The following MYORG variants were observed in gnomAD, a reference collection of about 807,000 sequenced individuals.
MYORG encodes the protein alpha-galactosidase MYORG.
Under a neutral mutation model 49.8 loss-of-function variants are expected in MYORG, and 45 were observed. The observed-to-expected ratio is 0.90, with a 90% confidence interval of 0.71 to 1.16. MYORG has a LOEUF of 1.16. Among genes scored for constraint, MYORG ranks in the 50% most tolerant of loss-of-function variants. The pLI is 0.00. For synonymous variants in MYORG, 552 were observed against 462.9 expected, an observed-to-expected ratio of 1.19 and a Z score of -2.47; for missense variants, 1,110 against 1,026.5, an observed-to-expected ratio of 1.08 and a Z score of -1.11.
In MYORG at chr9:34,369,184, G is replaced by A. The variant is rs1323313774; in HGVS notation, c.*1615C>T. 6.6e-6 allele frequency: 1 copy of A among 152,180 alleles called. No individual in the cohort carries two copies. The highest frequency in any genetic ancestry group is 1.5e-5 in the Non-Finnish European group (1 of 68,038). 9.4% of individuals were successfully genotyped at this position (152,180 alleles called of 1,614,324 possible). A position where few individuals can be genotyped will look rare whatever the true frequency, so the allele number is the denominator to read the frequency against. On this transcript the variant is annotated 3_prime_UTR_variant, in exon 2 of 2. Coordinates refer to ENST00000297625, the MANE Select transcript of MYORG (RefSeq NM_020702.5). ...TTATGGGAGCTACAATTCAAGATGA[G>A]TTTTAGGTGGGGACACAGCCAAACC...
chr9:34,376,003 C>T lies in MYORG; in HGVS notation c.-64+790G>A, dbSNP rs980323439. Among the ~76,000 whole-genome samples, 1 of 152,198 alleles carries T rather than the reference C, an allele frequency of 6.6e-6. No individual in the cohort carries two copies. Among genetic ancestry groups the T allele is most frequent in the Admixed American group, 6.5e-5 (1 of 15,280 alleles). On this transcript the variant is annotated intron_variant, in intron 1 of 1. Coordinates refer to ENST00000297625, the MANE Select transcript of MYORG (RefSeq NM_020702.5). The surrounding 1 kb of genome is among the most constrained non-coding windows in gnomAD (Gnocchi z 4.4). ...ATCAAGGCTGCCTGGATCTAAAATC[C>T]CAGCCCAGCTCTCCACAGTGTAAGT...
chr9:34,371,425 A>G lies in MYORG; in HGVS notation c.1519T>C (p.Tyr507His), dbSNP rs1163647884. 6.2e-7 allele frequency: 1 copy of G among 1,613,202 alleles called. No homozygotes were observed. Among genetic ancestry groups the G allele is most frequent in the Admixed American group, 1.7e-5 (1 of 60,024 alleles). ...AAGCAGGAGATGTTCTGTGACTGGT[A>G]GCCTACGCGCACCTCCGCCAGCGAG... ...FFSLAEVRVG[Y>H]QSQNISCFFR... The change falls in exon 2 of 2, where the codon TAC becomes CAC. Residue 507 changes from tyrosine to histidine, a missense_variant. Tyr to His is a moderately conservative substitution (Grantham distance 83). Coordinates refer to ENST00000297625, the MANE Select transcript of MYORG (RefSeq NM_020702.5).
Position 34,371,822 on chromosome 9 carries a change from G to A in MYORG, c.1122C>T (p.Ser374=), listed in dbSNP as rs774524095. Reference sequence around the variant, plus strand: ...CGTCGCGCAGGCGGCGGAACATGTCGCTGGCGTTGGGGAATTTGACCTCAT... The same window carrying A: ...CGTCGCGCAGGCGGCGGAACATGTCACTGGCGTTGGGGAATTTGACCTCAT... ...DFDEVKFPNA[S]DMFRRLRDAG... is the part of the protein sequence containing the mutation. Residue 374 remains serine, a synonymous_variant, in exon 2 of 2, where the codon AGC becomes AGT. Coordinates refer to ENST00000297625, the MANE Select transcript of MYORG (RefSeq NM_020702.5). 1.2e-6 allele frequency: 2 copies of A among 1,614,052 alleles called. No homozygotes were observed. The highest frequency in any genetic ancestry group is 1.1e-5 in the South Asian group (1 of 91,090).
In MYORG at chr9:34,367,571, C is replaced by A. The variant is rs1375675479; in HGVS notation, c.*3228G>T. ...TGGCCAAAACGAAGTGGCTAAAGGC[C>A]CCATGCAAGTCTGAAATCCAGCAGG... On this transcript the variant is annotated 3_prime_UTR_variant, in exon 2 of 2. Coordinates refer to ENST00000297625, the MANE Select transcript of MYORG (RefSeq NM_020702.5). 6.6e-6 allele frequency: 1 copy of A among 152,184 alleles called. No individual in the cohort carries two copies. Among genetic ancestry groups the A allele is most frequent in the African/African-American group, 2.4e-5 (1 of 41,430 alleles). The allele number at this position is 152,184 out of a possible 1,614,324, so 9.4% of individuals were successfully genotyped here.
Position 34,370,928 on chromosome 9 carries a change from C to T in MYORG, c.2016G>A (p.Glu672=), listed in dbSNP as rs1401929987. ...VAPVLEPGKQ[E]RDVYLPAGKW... is the part of the protein sequence containing the mutation. ...TGCCGGCGGGCAAATAGACGTCGCG[C>T]TCCTGCTTGCCTGGCTCCAGCACCG... is the stretch of plus-strand genomic sequence containing the variant. The change falls in exon 2 of 2, where the codon GAG becomes GAA. Residue 672 remains glutamate (E), a synonymous_variant. Transcript: ENST00000297625. The T allele has an allele frequency of 3.1e-6, 5 of 1,613,474 alleles. No homozygotes were observed. The highest frequency in any genetic ancestry group is 2.2e-5 in the South Asian group (2 of 91,082).
chr9:34,371,222 G>GTAGA lies in MYORG; in HGVS notation c.1718_1721dup (p.Ile575LeufsTer48), dbSNP rs1207962834. On this transcript the variant is annotated frameshift_variant, in exon 2 of 2. Coordinates refer to ENST00000297625, the MANE Select transcript of MYORG (RefSeq NM_020702.5). LOFTEE classifies it high-confidence loss of function. ...AGGCGGCCACTTCCAGCCAGCGAATGTAGAGCTCGCGCTCGGGCACATCGC... is the reference window on the plus strand; with the variant it reads ...AGGCGGCCACTTCCAGCCAGCGAATGTAGATAGAGCTCGCGCTCGGGCACATCGC... The GTAGA allele has an allele frequency of 6.2e-7, 1 of 1,610,430 alleles. No individual in the cohort carries two copies. The highest frequency in any genetic ancestry group is 8.5e-7 in the Non-Finnish European group (1 of 1,178,422).
chr9:34,372,591 C>G lies in MYORG; in HGVS notation c.353G>C (p.Gly118Ala), dbSNP rs1295735339. The G allele has an allele frequency of 6.2e-7, 1 of 1,603,474 alleles. No individual in the cohort carries two copies. Among genetic ancestry groups the G allele is most frequent in the Non-Finnish European group, 8.5e-7 (1 of 1,175,504 alleles). ...EQVFRLAFRS[G>A]ALDLDSCSRD... is the part of the protein sequence containing the mutation. ...GCTGCAGGAGTCAAGGTCCAGCGCG[C>G]CGGAGCGGAAGGCCAGGCGGAAGAC... The change falls in exon 2 of 2, where the codon GGC becomes GCC. Residue 118 changes from glycine (G) to alanine (A), a missense_variant. Coordinates refer to ENST00000297625, the MANE Select transcript of MYORG (RefSeq NM_020702.5).
In MYORG at chr9:34,371,182, G is replaced by T. The variant is rs1263218373; in HGVS notation, c.1762C>A (p.Gln588Lys). 3 of 1,610,548 alleles carry T rather than the reference G, an allele frequency of 1.9e-6. No individual in the cohort carries two copies. The highest frequency in any genetic ancestry group is 2.5e-6 in the Non-Finnish European group (3 of 1,178,336). ...LEVAAFMPAMQFSIPPWRYDA... is the reference protein window; with the variant it reads ...LEVAAFMPAMKFSIPPWRYDA... The stretch of plus-strand genomic sequence containing the variant: ...TAGCGCCAGGGCGGGATAGAGAACT[G>T]CATGGCCGGCATAAAGGCGGCCACT... The change falls in exon 2 of 2, where the codon CAG becomes AAG. Residue 588 changes from glutamine to lysine, a missense_variant. Gln to Lys is a moderately conservative substitution (Grantham distance 53, BLOSUM62 1). Transcript: ENST00000297625.
rs1820517617 is a variant in MYORG at position 34,367,439 on chromosome 9, G to C, written c.*3360C>G. 1 of 152,176 alleles carries C rather than the reference G, an allele frequency of 6.6e-6. No individual in the cohort carries two copies. The highest frequency in any genetic ancestry group is 1.9e-4 in the East Asian group (1 of 5,202). The allele number at this position is 152,176 out of a possible 1,614,324, so 9.4% of individuals were successfully genotyped here. A position where few individuals can be genotyped will look rare whatever the true frequency, so the allele number is the denominator to read the frequency against. ...CAAAGTCTCATCTGAAACAAGGCAA[G>C]TCCCTTCCACCTATGAGCCTGTAAA... On this transcript the variant is annotated 3_prime_UTR_variant, in exon 2 of 2. Transcript: ENST00000297625.
Position 34,376,248 on chromosome 9 carries a change from G to T in MYORG, c.-64+545C>A, listed in dbSNP as rs1176549617. On this transcript the variant is annotated intron_variant, in intron 1 of 1. Transcript: ENST00000297625. The surrounding 1 kb of genome is among the most constrained non-coding windows in gnomAD (Gnocchi z 4.4). ...TAATGGCATCTGGTACCGGGGCTTT[G>T]GGGGAGGAAGTCTGTGGTTCCGGTG... is the stretch of plus-strand genomic sequence containing the variant. Among the ~76,000 whole-genome samples the T allele has an allele frequency of 2.0e-5, 3 of 152,194 alleles. No homozygotes were observed. Among genetic ancestry groups the T allele is most frequent in the African/African-American group, 4.8e-5 (2 of 41,456 alleles).
rs776046519 is a variant in MYORG, at chr9:34,372,305, A to G, written c.639T>C (p.Asp213=). 6.2e-6 allele frequency: 10 copies of G among 1,610,200 alleles called. No individual in the cohort carries two copies. The East Asian group carries it at 8.9e-5, about 14-fold the overall frequency. Residue 213 remains aspartate, a synonymous_variant, in exon 2 of 2, where the codon GAT becomes GAC. Transcript: ENST00000297625. ...CAAACGCGGCGTCGGAGGAGTAGAC[A>G]TCGCTGGTGACGAACGGCTGGGGCT... ...QQEPQPFVTS[D]VYSSDAAFGG...
rs755742995 is a variant in MYORG at position 34,372,595 on chromosome 9, A to G, written c.349T>C (p.Ser117Pro). 5.0e-6 allele frequency: 8 copies of G among 1,604,148 alleles called. No individual in the cohort carries two copies. The highest frequency in any genetic ancestry group is 2.2e-5 in the East Asian group (1 of 44,446). Residue 117 changes from serine to proline, a missense_variant, in exon 2 of 2, where the codon TCC (serine) becomes CCC (proline). Ser to Pro is a moderately conservative substitution (Grantham distance 74). Transcript: ENST00000297625. The stretch of plus-strand genomic sequence containing the variant: ...CAGGAGTCAAGGTCCAGCGCGCCGG[A>G]GCGGAAGGCCAGGCGGAAGACCTGC... Reference protein sequence around the residue: ...GEQVFRLAFRSGALDLDSCSR... With the variant: ...GEQVFRLAFRPGALDLDSCSR...
chr9:34,372,124 C>T lies in MYORG; in HGVS notation c.820G>A (p.Ala274Thr), dbSNP rs767041113. Residue 274 changes from alanine (A) to threonine (T), a missense_variant, in exon 2 of 2, where the codon GCC becomes ACC. Physicochemically the swap from Ala to Thr is moderately conservative, Grantham distance 58. Transcript: ENST00000297625. The part of the protein sequence containing the change: ...DTPYKPPAGR[A>T]AAPELSYRVC... Reference sequence around the variant, plus strand: ...CGGTAGCTCAGCTCTGGCGCTGCGGCGCGGCCGGCGGGTGGCTTGTAGGGC... The same window carrying T: ...CGGTAGCTCAGCTCTGGCGCTGCGGTGCGGCCGGCGGGTGGCTTGTAGGGC... 6.2e-7 allele frequency: 1 copy of T among 1,612,228 alleles called. No homozygotes were observed. The highest frequency in any genetic ancestry group is 8.5e-7 in the Non-Finnish European group (1 of 1,179,730).
Position 34,371,581 on chromosome 9 carries a change from A to G in MYORG, c.1363T>C (p.Tyr455His). 1 of 1,604,670 alleles carries G rather than the reference A, an allele frequency of 6.2e-7. No individual in the cohort carries two copies. The highest frequency in any genetic ancestry group is 8.5e-7 in the Non-Finnish European group (1 of 1,178,852). Residue 455 changes from tyrosine to histidine, a missense_variant, in exon 2 of 2, where the codon TAC becomes CAC. Transcript: ENST00000297625. Reference sequence around the variant, plus strand: ...TCGAACTTGAAGGAAGCCACGGAGTAGCGAGAGCGCAGCCGCCGCAGGTGT... The same window carrying G: ...TCGAACTTGAAGGAAGCCACGGAGTGGCGAGAGCGCAGCCGCCGCAGGTGT... ...QGHLRRLRSR[Y>H]SVASFKFDAG...
At position 34,372,649 on chromosome 9, in the gene MYORG, C is replaced by G; in HGVS notation, c.295G>C (p.Gly99Arg). Residue 99 changes from glycine (G) to arginine (R), a missense_variant, in exon 2 of 2, where the codon GGC becomes CGC. Transcript: ENST00000297625. ...CCCTTCTGATTGCGGATGGAGAAGC[C>G]GCCAGCTTTCAGGTCCAGCAGCTCC... ...RAELLDLKAG[G>R]FSIRNQKGEQ... 1.9e-6 allele frequency: 3 copies of G among 1,607,342 alleles called. No homozygotes were observed. The highest frequency in any genetic ancestry group is 2.5e-6 in the Non-Finnish European group (3 of 1,177,072).
At position 34,370,526 on chromosome 9, in the gene MYORG, C is replaced by T. The variant is rs960756803; in HGVS notation, c.*273G>A. On this transcript the variant is annotated 3_prime_UTR_variant, in exon 2 of 2. Transcript: ENST00000297625. Reference sequence around the variant, plus strand: ...GACCTTTTTCCTCTAAGCTCTCTGGCTTCCACCCCAGGGAAGAGGTTTCTG... The same window carrying T: ...GACCTTTTTCCTCTAAGCTCTCTGGTTTCCACCCCAGGGAAGAGGTTTCTG... The T allele has an allele frequency of 7.0e-6, 3 of 427,508 alleles. No individual in the cohort carries two copies. The Admixed American group carries it at 1.2e-4, about 17-fold the overall frequency. The allele number at this position is 427,508 out of a possible 1,614,324, so 26.5% of individuals were successfully genotyped here.
Position 34,371,361 on chromosome 9 carries a change from T to C in MYORG, c.1583A>G (p.Asp528Gly), listed in dbSNP as rs1169239739. Residue 528 changes from aspartate (D) to glycine (G), a missense_variant, in exon 2 of 2, where the codon GAC becomes GGC. Transcript: ENST00000297625. ...GGGGATGAGTGAGCGCAACCCCAGG[T>C]CGTAGCCCCACACAGAGTCGCGATC... ...LVDRDSVWGYDLGLRSLIPAV... is the reference protein window; with the variant it reads ...LVDRDSVWGYGLGLRSLIPAV... 6.2e-7 allele frequency: 1 copy of C among 1,613,032 alleles called. No individual in the cohort carries two copies. Among genetic ancestry groups the C allele is most frequent in the Admixed American group, 1.7e-5 (1 of 59,964 alleles).
chr9:34,370,064 TG>T lies in MYORG; in HGVS notation c.*734del, dbSNP rs1395500996. 1 of 152,934 alleles carries T rather than the reference TG, an allele frequency of 6.5e-6. No individual in the cohort carries two copies. Among genetic ancestry groups the T allele is most frequent in the Non-Finnish European group, 1.5e-5 (1 of 68,292 alleles). 9.5% of individuals were successfully genotyped at this position (152,934 alleles called of 1,614,324 possible). On this transcript the variant is annotated 3_prime_UTR_variant, in exon 2 of 2. Transcript: ENST00000297625. ...CACTCTTCAGTTAAGGCACGAAGTC[TG>T]GCCTGCATGGCCCTGCAAGTCTGTT... is the stretch of plus-strand genomic sequence containing the variant.
chr9:34,373,521 C>T (rs1309856716), intron 1 of MYORG, among the ~76,000 whole-genome samples: 1 of 152,128 alleles, frequency 6.6e-6, no homozygotes, highest in Non-Finnish European at 1.5e-5. Context: ...GGCATGATCT[C>T]AGCTCACTGC....
Sources: allele counts gnomAD v4.1 joint callset (sites outside exome capture counted in the v4.1 genomes callset), GRCh38; gene constraint gnomAD v4.1.1; non-coding constraint Gnocchi (gnomAD v3.1); transcripts MANE v1.5; gene names NCBI Gene and HGNC (gene_info 2026-07-23, HGNC 2026-07-21).